Variants in CHAMP1 observed in about 807,000 individuals in gnomAD.
The protein encoded by CHAMP1 is chromosome alignment-maintaining phosphoprotein 1.
Under a neutral mutation model 54.5 loss-of-function variants are expected in CHAMP1, and 4 were observed. The ratio of observed to expected loss-of-function variants is 0.07; its 90% confidence interval spans 0.04 to 0.17. The LOEUF (loss-of-function observed/expected upper bound fraction) is 0.17. Among genes scored for constraint, CHAMP1 ranks in the 10% least tolerant of loss-of-function variants. The pLI is 1.00. For synonymous variants in CHAMP1, 368 were observed against 342.2 expected (o/e 1.08, Z -0.83); for missense variants, 994 against 968.6 (o/e 1.03, Z -0.35).
rs2087223482 is a variant in CHAMP1, at chr13:114,324,906, C to T, written c.1064C>T (p.Ser355Phe). The T allele has an allele frequency of 6.2e-7, 1 of 1,614,198 alleles. No individual in the cohort carries two copies. The highest frequency in any genetic ancestry group is 1.3e-5 in the African/African-American group (1 of 75,038). ...PGPWKPIPSV[S>F]PGPWKPTPSV... ...CCTTGGAAACCAATTCCTTCTGTAT[C>T]TCCTGGACCTTGGAAACCAACTCCA... The change falls in exon 3 of 3, where the codon TCT (serine) becomes TTT (phenylalanine). Residue 355 changes from serine (S) to phenylalanine (F), a missense_variant. Transcript: ENST00000361283.
Position 114,325,281 on chromosome 13 carries a change from G to C in CHAMP1, c.1439G>C (p.Trp480Ser). 6.2e-7 allele frequency: 1 copy of C among 1,614,100 alleles called. No homozygotes were observed. Among genetic ancestry groups the C allele is most frequent in the Non-Finnish European group, 8.5e-7 (1 of 1,180,032 alleles). ...TCCCGTGGTGGTTCTCCTGATCTCT[G>C]GAAGTCTTCCTTTTTTATTGAGCCT... is the stretch of plus-strand genomic sequence containing the variant. The part of the protein sequence containing the change: ...KSSRGGSPDL[W>S]KSSFFIEPQK... The change falls in exon 3 of 3, where the codon TGG becomes TCG. Residue 480 changes from tryptophan to serine, a missense_variant. By Grantham distance (177) the Trp-to-Ser change is radical. Transcript: ENST00000361283.
Position 114,326,836 on chromosome 13 carries a change from TCTG to T in CHAMP1, c.*558_*560del. On this transcript the variant is annotated 3_prime_UTR_variant, in exon 3 of 3. Transcript: ENST00000361283. The stretch of plus-strand genomic sequence containing the variant: ...GTTGGAGTCTCAGGGTTGCTGATTT[TCTG>T]CTAATGGGAAAAATTGACTAAGTCT... 1 of 167,190 alleles carries T rather than the reference TCTG, an allele frequency of 6.0e-6. No individual in the cohort carries two copies. 10.4% of individuals were successfully genotyped at this position (167,190 alleles called of 1,614,324 possible). A position where few individuals can be genotyped will look rare whatever the true frequency, so the allele number is the denominator to read the frequency against.
chr13:114,318,357 C>G (rs1690426494), intron 1 of CHAMP1, among the ~76,000 whole-genome samples: 1 of 150,164 alleles, frequency 6.7e-6, no homozygotes, highest in Non-Finnish European at 1.5e-5. Context: ...GGGTCTCACT[C>G]TGTCATCTAG....
At chr13:114,316,663 C>T (rs2087103544) in intron 1 of CHAMP1, among the ~76,000 whole-genome samples, 1 of 151,872 alleles carries the variant, frequency 6.6e-6, no homozygotes, top group South Asian at 2.1e-4. Flanking sequence ...ATTAGCTTAT[C>T]ATTGTAGCAG....
At chr13:114,315,376 G>A (rs1192240485) in intron 1 of CHAMP1, among the ~76,000 whole-genome samples, 1 of 152,128 alleles carries the variant, frequency 6.6e-6, no homozygotes, top group Non-Finnish European at 1.5e-5. Flanking sequence ...TCAGTTCTAG[G>A]TTTATACCCC....
rs980601626 is a variant in CHAMP1 at position 114,326,398 on chromosome 13, C to T, written c.*117C>T. 7 of 1,193,170 alleles carry T rather than the reference C, an allele frequency of 5.9e-6. No homozygotes were observed. The highest frequency in any genetic ancestry group is 3.1e-5 in the African/African-American group (2 of 64,184). 73.9% of individuals were successfully genotyped at this position (1,193,170 alleles called of 1,614,324 possible). A position where few individuals can be genotyped will look rare whatever the true frequency, so the allele number is the denominator to read the frequency against. On this transcript the variant is annotated 3_prime_UTR_variant, in exon 3 of 3. Coordinates refer to ENST00000361283, the MANE Select transcript of CHAMP1 (RefSeq NM_032436.4). ...ATGACATGTATGGTGTACCGTGTTT[C>T]ACTGTCTCAGTTGTGTTACTAAGAA...
chr13:114,324,470 C>A lies in CHAMP1; in HGVS notation c.628C>A (p.Pro210Thr), dbSNP rs376019121. The change falls in exon 3 of 3, where the codon CCT becomes ACT. Residue 210 changes from proline to threonine, a missense_variant. Pro to Thr is a conservative substitution (Grantham distance 38). Coordinates refer to ENST00000361283, the MANE Select transcript of CHAMP1 (RefSeq NM_032436.4). ...APVPSPEPQK[P>T]APVSPESVKA... Reference sequence around the variant, plus strand: ...TGTTCCTTCTCCAGAACCACAGAAACCTGCCCCTGTATCTCCTGAGTCAGT... The same window carrying A: ...TGTTCCTTCTCCAGAACCACAGAAAACTGCCCCTGTATCTCCTGAGTCAGT... The A allele has an allele frequency of 6.2e-7, 1 of 1,614,202 alleles. No homozygotes were observed. Among genetic ancestry groups the A allele is most frequent in the South Asian group, 1.1e-5 (1 of 91,084 alleles).
chr13:114,315,643 A>C (rs1439758558), intron 1 of CHAMP1, among the ~76,000 whole-genome samples: 2 of 152,194 alleles, frequency 1.3e-5, no homozygotes, highest in Non-Finnish European at 2.9e-5. Context: ...GACATACTGT[A>C]TGATTCCCCC....
Position 114,325,591 on chromosome 13 carries a change from A to G in CHAMP1, c.1749A>G (p.Gln583=), listed in dbSNP as rs1324406492. ...QKAVELGDEL[Q]IDAIDDQKCD... is the part of the protein sequence containing the mutation. ...CTGTTGAGCTTGGTGATGAACTACAAATAGATGCCATAGATGATCAAAAAT... is the reference window on the plus strand; with the variant it reads ...CTGTTGAGCTTGGTGATGAACTACAGATAGATGCCATAGATGATCAAAAAT... The change falls in exon 3 of 3, where the codon CAA becomes CAG. Residue 583 remains glutamine, a synonymous_variant. Coordinates refer to ENST00000361283, the MANE Select transcript of CHAMP1 (RefSeq NM_032436.4). The G allele has an allele frequency of 1.2e-6, 2 of 1,614,198 alleles. No homozygotes were observed. Among genetic ancestry groups the G allele is most frequent in the Admixed American group, 1.7e-5 (1 of 60,032 alleles).
In CHAMP1 at chr13:114,326,367, C is replaced by T; in HGVS notation, c.*86C>T. On this transcript the variant is annotated 3_prime_UTR_variant, in exon 3 of 3. Transcript: ENST00000361283. ...AGCTTATCAGATAGCATAGTTGGAT[C>T]AGTAGATGACATGTATGGTGTACCG... The T allele has an allele frequency of 7.2e-7, 1 of 1,394,906 alleles. No homozygotes were observed. The highest frequency in any genetic ancestry group is 9.6e-7 in the Non-Finnish European group (1 of 1,041,522). 86.4% of individuals were successfully genotyped at this position (1,394,906 alleles called of 1,614,324 possible). A position where few individuals can be genotyped will look rare whatever the true frequency, so the allele number is the denominator to read the frequency against.
At chr13:114,322,839 C>T (rs1351093383) in intron 2 of CHAMP1, 2 of 152,212 alleles carry the variant, frequency 1.3e-5, no homozygotes, top group Non-Finnish European at 2.9e-5. Context: ...TTCCAGGACA[C>T]ATGAGTACAC....
chr13:114,315,080 C>T (rs1021919518), intron 1 of CHAMP1, among the ~76,000 whole-genome samples: 1 of 152,080 alleles, frequency 6.6e-6, no homozygotes, highest in African/African-American at 2.4e-5. Flanking sequence ...TGCAACTGAC[C>T]AACAAAAAGC....
In CHAMP1 at chr13:114,324,386, GTTTC is replaced by G; in HGVS notation, c.547_550del (p.Ser183LeufsTer35). 1 of 1,614,086 alleles carries G rather than the reference GTTTC, an allele frequency of 6.2e-7. No homozygotes were observed. Among genetic ancestry groups the G allele is most frequent in the Non-Finnish European group, 8.5e-7 (1 of 1,180,024 alleles). On this transcript the variant is annotated frameshift_variant, in exon 3 of 3. Transcript: ENST00000361283. LOFTEE classifies it high-confidence loss of function. ...TCCTGAGCCTTCAAAACCTGCCTCTGTTTCTTCTCCTGAACCTCCAAAATCAGTC... is the reference window on the plus strand; with the variant it reads ...TCCTGAGCCTTCAAAACCTGCCTCTGTTCTCCTGAACCTCCAAAATCAGTC...
rs563650545 is a variant in CHAMP1 at position 114,326,391 on chromosome 13, C to T, written c.*110C>T. ...TCAGTAGATGACATGTATGGTGTACCGTGTTTCACTGTCTCAGTTGTGTTA... is the reference window on the plus strand; with the variant it reads ...TCAGTAGATGACATGTATGGTGTACTGTGTTTCACTGTCTCAGTTGTGTTA... On this transcript the variant is annotated 3_prime_UTR_variant, in exon 3 of 3. Transcript: ENST00000361283. 37 of 1,248,358 alleles carry T rather than the reference C, an allele frequency of 3.0e-5. No individual in the cohort carries two copies. Among genetic ancestry groups the T allele is most frequent in the South Asian group, 1.4e-4 (8 of 56,528 alleles). 77.3% of individuals were successfully genotyped at this position (1,248,358 alleles called of 1,614,324 possible). A position where few individuals can be genotyped will look rare whatever the true frequency, so the allele number is the denominator to read the frequency against.
rs529732497 is a variant in CHAMP1 at position 114,320,883 on chromosome 13, G to C, written c.-178-227G>C. On this transcript the variant is annotated intron_variant, in intron 1 of 2. Coordinates refer to ENST00000361283, the MANE Select transcript of CHAMP1 (RefSeq NM_032436.4). ...AGGCAGGAGAATGGCATGAACCCTG[G>C]AGGCGGAGCTTGCAGTGAGCCGAGA... is the stretch of plus-strand genomic sequence containing the variant. 1.2e-4 allele frequency among the ~76,000 whole-genome samples: 18 copies of C among 151,800 alleles called. 1 individual carries two copies. The East Asian group carries it at 3.5e-3, about 29-fold the overall frequency.
rs782063204 is a variant in CHAMP1, at chr13:114,324,467, A to G, written c.625A>G (p.Lys209Glu). ...LAPVPSPEPQKPAPVSPESVK... is the reference protein window; with the variant it reads ...LAPVPSPEPQEPAPVSPESVK... Reference sequence around the variant, plus strand: ...CCCTGTTCCTTCTCCAGAACCACAGAAACCTGCCCCTGTATCTCCTGAGTC... The same window carrying G: ...CCCTGTTCCTTCTCCAGAACCACAGGAACCTGCCCCTGTATCTCCTGAGTC... Residue 209 changes from lysine to glutamate, a missense_variant, in exon 3 of 3, where the codon AAA becomes GAA. Around this residue, in one of 3 missense-constraint regions of CHAMP1, gnomAD observed 851 missense variants for 701.3 expected, o/e 1.21. Transcript: ENST00000361283. 4.3e-6 allele frequency: 7 copies of G among 1,614,202 alleles called. No homozygotes were observed. The South Asian group carries it at 7.7e-5, about 18-fold the overall frequency.
chr13:114,323,690 C>A, intron 2 of CHAMP1, 98 bp from the exon 3 acceptor site: 1 of 974,058 alleles, frequency 1.0e-6, no homozygotes, highest in Non-Finnish European at 1.5e-6. Context: ...AAAGCACGCA[C>A]TGTTCTAGAC....
Position 114,325,788 on chromosome 13 carries a change from A to G in CHAMP1, c.1946A>G (p.Gln649Arg), listed in dbSNP as rs1555379910. 3.1e-6 allele frequency: 5 copies of G among 1,614,246 alleles called. No individual in the cohort carries two copies. The highest frequency in any genetic ancestry group is 3.4e-6 in the Non-Finnish European group (4 of 1,180,046). Residue 649 changes from glutamine (Q) to arginine (R), a missense_variant, in exon 3 of 3, where the codon CAG becomes CGG. Coordinates refer to ENST00000361283, the MANE Select transcript of CHAMP1 (RefSeq NM_032436.4). The part of the protein sequence containing the change: ...TDLDAMDIKG[Q>R]ESSSDQEQVD... ...TTGGATGCGATGGATATTAAGGGCC[A>G]GGAATCAAGCAGTGATCAAGAGCAG...
chr13:114,324,831 CATCAGG>C lies in CHAMP1; in HGVS notation c.991_996del (p.Ser331_Gly332del), dbSNP rs781965911. On this transcript the variant is annotated inframe_deletion, in exon 3 of 3. Transcript: ENST00000361283. Reference sequence around the variant, plus strand: ...CCTTGGAAATCCAATCCTTCAGCATCATCAGGACCTTGGAAGCCAGCTAAACCTGCT... The same window carrying C: ...CCTTGGAAATCCAATCCTTCAGCATCACCTTGGAAGCCAGCTAAACCTGCT... 6.2e-7 allele frequency: 1 copy of C among 1,614,056 alleles called. No individual in the cohort carries two copies. The highest frequency in any genetic ancestry group is 1.3e-5 in the African/African-American group (1 of 74,924).
Sources: gnomAD v4.1 joint callset for allele counts (sites outside exome capture counted in the v4.1 genomes callset) on GRCh38, gnomAD v4.1.1 for gene constraint, gnomAD v4.1.1 regional missense constraint, MANE v1.5 for transcripts, NCBI Gene and HGNC (gene_info 2026-07-23, HGNC 2026-07-21) for gene names.